The following PUM1 variants were observed in gnomAD, a reference collection of about 807,000 sequenced individuals.
The protein encoded by PUM1 is pumilio homolog 1.
In PUM1, 13 loss-of-function variants were observed where a neutral mutation model predicts 131.8. That is an observed-to-expected ratio of 0.10 (90% CI 0.06 to 0.16). The LOEUF (loss-of-function observed/expected upper bound fraction) is 0.16. PUM1 is among the 10% of genes least tolerant of loss of function. PUM1 has a pLI of 1.00. For synonymous variants in PUM1, 509 were observed against 556.5 expected, an observed-to-expected ratio of 0.91 and a Z score of 1.20; for missense variants, 961 against 1,512.4, an observed-to-expected ratio of 0.64 and a Z score of 6.05.
At chr1:30,958,274 TAGTTTAGAACTA>T (rs762528367) in intron 14 of PUM1, among the ~76,000 whole-genome samples, 25 of 152,376 alleles carry the variant, frequency 1.6e-4, no homozygotes, top group Non-Finnish European at 2.8e-4. Flanking sequence ...AAATGCTTTT[TAGTTTAGAACTA>T]AGTTTAGAAC....
At position 30,959,126 on chromosome 1, in the gene PUM1, T is replaced by A. The variant is rs373883004; in HGVS notation, c.2324-5145A>T. Among the ~76,000 whole-genome samples, 5 of 152,262 alleles carry A rather than the reference T, an allele frequency of 3.3e-5. No individual in the cohort carries two copies. In the East Asian group the frequency reaches 7.7e-4, roughly 24 times the overall value. ...GACCTATAAGATGTAAAGAAATGGG[T>A]TAAGTAAAAATCTTACTACAAATAA... On this transcript the variant is annotated intron_variant, in intron 14 of 21. Coordinates refer to ENST00000426105, the MANE Select transcript of PUM1 (RefSeq NM_001020658.2).
intron 2 of PUM1, among the ~76,000 whole-genome samples, chr1:31,047,894 A>C (rs1644007752): frequency 6.6e-6 from 1 of 152,078 alleles, no homozygotes; most frequent in African/African-American, 2.4e-5. Flanking sequence ...GTGAGCCGAG[A>C]TCGCACCACT....
chr1:31,048,217 C>G (rs1043253053), intron 2 of PUM1, among the ~76,000 whole-genome samples: 2 of 151,072 alleles, frequency 1.3e-5, no homozygotes, highest in Admixed American at 1.3e-4. Context: ...CCAGCCTGGG[C>G]AACAGAACGA....
chr1:30,995,137 A>C lies in PUM1; in HGVS notation c.804T>G (p.Asp268Glu). 1 of 1,614,020 alleles carries C rather than the reference A, an allele frequency of 6.2e-7. No homozygotes were observed. Among genetic ancestry groups the C allele is most frequent in the South Asian group, 1.1e-5 (1 of 91,072 alleles). Residue 268 changes from aspartate (D) to glutamate (E), a missense_variant, in exon 6 of 22, where the codon GAT (aspartate) becomes GAG (glutamate). Transcript: ENST00000426105. ...KGTFDGDKLG[D>E]LKEEGDVMDK... ...CCATCACATCACCCTCCTCCTTCAAATCTCCTAGCTTATCTCCATCAAACG... is the reference window on the plus strand; with the variant it reads ...CCATCACATCACCCTCCTCCTTCAACTCTCCTAGCTTATCTCCATCAAACG...
chr1:30,966,370 G>T, intron 12 of PUM1, 92 bp from the exon 13 acceptor site: 1 of 1,262,618 alleles, frequency 7.9e-7, no homozygotes, highest in Non-Finnish European at 1.1e-6. Context: ...ATCTTTTAAT[G>T]CTGCCTATCT....
chr1:30,990,601 G>C (rs1557573382), intron 7 of PUM1, among the ~76,000 whole-genome samples: 1 of 152,052 alleles, frequency 6.6e-6, no homozygotes, highest in Admixed American at 6.5e-5. Flanking sequence ...AACACCGAGA[G>C]ATTGAGGGTC....
chr1:31,049,474 C>A (rs1644054654), intron 2 of PUM1, among the ~76,000 whole-genome samples: 1 of 151,670 alleles, frequency 6.6e-6, no homozygotes, highest in Non-Finnish European at 1.5e-5. Context: ...CAAGATCGCG[C>A]CATTGCACTC....
chr1:30,974,358 A>T (rs1479059532), intron 10 of PUM1, among the ~76,000 whole-genome samples: 1 of 152,230 alleles, frequency 6.6e-6, no homozygotes, highest in Admixed American at 6.5e-5. Flanking sequence ...ACAGTATGGC[A>T]GAACAAAATT....
At chr1:31,049,033 C>T (rs1644041299) in intron 2 of PUM1, among the ~76,000 whole-genome samples, 1 of 151,564 alleles carries the variant, frequency 6.6e-6, no homozygotes, top group Admixed American at 6.6e-5. Flanking sequence ...TGGCAAAACC[C>T]CGTCTCTACT....
chr1:30,976,089 C>A (rs373162328), intron 9 of PUM1, among the ~76,000 whole-genome samples: 163 of 131,166 alleles, frequency 1.2e-3, no homozygotes, highest in Middle Eastern at 4.4e-3. Flanking sequence ...AGTGTGTCTC[C>A]AAAAAAAAAA....
In PUM1 at chr1:31,022,702, A is replaced by G. The variant is rs559838323; in HGVS notation, c.432+6094T>C. 3.3e-5 allele frequency among the ~76,000 whole-genome samples: 5 copies of G among 152,312 alleles called. No homozygotes were observed. In the South Asian group the frequency reaches 1.0e-3, roughly 32 times the overall value. On this transcript the variant is annotated intron_variant, in intron 3 of 21. Coordinates refer to ENST00000426105, the MANE Select transcript of PUM1 (RefSeq NM_001020658.2). ...TGATAAAAAGGTCACTTTACCTCTAACAGTCATTAACCTAAAATAAGCCAT... is the reference window on the plus strand; with the variant it reads ...TGATAAAAAGGTCACTTTACCTCTAGCAGTCATTAACCTAAAATAAGCCAT...
chr1:31,052,514 C>G (rs1644136294), intron 2 of PUM1, among the ~76,000 whole-genome samples: 1 of 151,334 alleles, frequency 6.6e-6, no homozygotes, highest in Non-Finnish European at 1.5e-5. Flanking sequence ...CAGGCATATG[C>G]CACCATGCCC....
intron 20 of PUM1, 33 bp from the exon 21 acceptor site, chr1:30,936,868 CAAGAG>C (rs1639229059): frequency 1.3e-6 from 2 of 1,528,860 alleles, no homozygotes; most frequent in Non-Finnish European, 1.8e-6. Flanking sequence ...ACAACTCTTA[CAAGAG>C]AGGCCCCTGT....
At chr1:31,052,956 G>T (rs1013740199) in intron 2 of PUM1, among the ~76,000 whole-genome samples, 1 of 151,256 alleles carries the variant, frequency 6.6e-6, no homozygotes, top group African/African-American at 2.4e-5. Flanking sequence ...CGCCCACCTC[G>T]GCCTCCAAAA....
At chr1:30,953,672 T>C in intron 15 of PUM1, 42 bp downstream of exon 15, 1 of 1,607,878 alleles carries the variant, frequency 6.2e-7, no homozygotes, top group South Asian at 1.1e-5. Context: ...GTTAAGGCAT[T>C]ACAATTTCGG....
chr1:30,967,150 C>A lies in PUM1; in HGVS notation c.1789+17G>T, dbSNP rs777828865. 3.7e-6 allele frequency: 6 copies of A among 1,612,754 alleles called. No individual in the cohort carries two copies. Among genetic ancestry groups the A allele is most frequent in the African/African-American group, 1.3e-5 (1 of 74,862 alleles). On this transcript the variant is annotated intron_variant, in intron 12 of 21. Transcript: ENST00000426105. ...CTTTTAGATCTCTGGCAGGAGTCCA[C>A]TCAGATGTGCGCTCACCTGCTTGTG...
At chr1:31,023,853 C>T (rs1392518281) in intron 3 of PUM1, among the ~76,000 whole-genome samples, 1 of 142,330 alleles carries the variant, frequency 7.0e-6, no homozygotes, top group Non-Finnish European at 1.5e-5. Context: ...CGCTTGAACC[C>T]GGGAGGCGGA....
At chr1:31,032,999 G>A (rs762199585) in intron 2 of PUM1, among the ~76,000 whole-genome samples, 14 of 151,778 alleles carry the variant, frequency 9.2e-5, no homozygotes, top group Non-Finnish European at 1.9e-4. Context: ...TCAGCCACTC[G>A]GGAGGCCGAG....
At chr1:30,950,908 C>G (rs942378611) in intron 16 of PUM1, among the ~76,000 whole-genome samples, 1 of 152,192 alleles carries the variant, frequency 6.6e-6, no homozygotes, top group Non-Finnish European at 1.5e-5. Flanking sequence ...CATGGACACA[C>G]TGTTTTGAAA....
Sources: allele counts gnomAD v4.1 joint callset (sites outside exome capture counted in the v4.1 genomes callset), GRCh38; gene constraint gnomAD v4.1.1; transcripts MANE v1.5; gene names NCBI Gene and HGNC (gene_info 2026-07-23, HGNC 2026-07-21).